The following SORL1 variants were observed in gnomAD, a reference collection of about 807,000 sequenced individuals.
The protein encoded by SORL1 is sortilin-related receptor.
A neutral mutation model predicts 273.7 loss-of-function variants in SORL1; 127 were observed. The ratio of observed to expected loss-of-function variants is 0.46; its 90% CI spans 0.40 to 0.54. The LOEUF is 0.54. Among genes scored for constraint, SORL1 ranks in the 20% least tolerant of loss-of-function variants. The pLI, the probability that SORL1 is intolerant of heterozygous loss-of-function variation, is 0.00. For missense variants in SORL1, 2,494 were observed against 2,846.1 expected (o/e 0.88, Z 2.81); for synonymous variants, 1,031 against 1,067.4 (o/e 0.97, Z 0.66).
Position 121,550,481 on chromosome 11 carries a change from G to C in SORL1, c.2181-104G>C. 1 of 908,600 alleles carries C rather than the reference G, an allele frequency of 1.1e-6. No homozygotes were observed. The highest frequency in any genetic ancestry group is 1.8e-6 in the Non-Finnish European group (1 of 554,938). 56.3% of individuals were successfully genotyped at this position (908,600 alleles called of 1,614,324 possible). ...TTCTAGTTCTAAAGAGAAATGAGTG[G>C]ATGGACTCTACTGGCCGTGGGTAGT... On this transcript the variant is annotated intron_variant, in intron 15 of 47. Coordinates refer to ENST00000260197, the MANE Select transcript of SORL1 (RefSeq NM_003105.6). The surrounding 1 kb of genome is among the most constrained non-coding windows in gnomAD (Gnocchi z 5.3).
At chr11:121,586,145 A>G in intron 26 of SORL1, 77 bp from the exon 27 acceptor site, 1 of 1,154,484 alleles carries the variant, frequency 8.7e-7, no homozygotes, top group Non-Finnish European at 1.3e-6. Flanking sequence ...ACCAGTGTGT[A>G]CTCCCGCCAG....
At chr11:121,625,057 C>T in intron 45 of SORL1, 28 bp from the exon 46 acceptor site, 1 of 1,542,664 alleles carries the variant, frequency 6.5e-7, no homozygotes, top group South Asian at 1.2e-5. Flanking sequence ...ATTCGACTTC[C>T]TGAGCAATCT....
intron 1 of SORL1, among the ~76,000 whole-genome samples, chr11:121,463,193 C>T (rs1213142232): frequency 6.6e-6 from 1 of 152,156 alleles, no homozygotes; most frequent in East Asian, 1.9e-4. Context: ...AGCTTAATCT[C>T]ATTTGCAAAA....
intron 26 of SORL1, among the ~76,000 whole-genome samples, chr11:121,585,500 T>TATAC (rs375453895): frequency 1.2e-4 from 17 of 137,556 alleles, no homozygotes; most frequent in East Asian, 6.3e-4. Context: ...AAAATGTATA[T>TATAC]ACACACACAC....
In SORL1 at chr11:121,462,017, A is replaced by G. The variant is rs890266829; in HGVS notation, c.286-7990A>G. On this transcript the variant is annotated intron_variant, in intron 1 of 47. Transcript: ENST00000260197. ...AATGATTATTCATCTCATTTCAGAG[A>G]TGAGTATCTTGAAGCTTGAAAAGGT... Among the ~76,000 whole-genome samples the G allele has an allele frequency of 2.0e-5, 3 of 152,190 alleles. No individual in the cohort carries two copies. In the East Asian group the frequency reaches 5.8e-4, roughly 29 times the overall value.
At chr11:121,509,955 T>G (rs559618139) in intron 6 of SORL1, among the ~76,000 whole-genome samples, 26 of 152,218 alleles carry the variant, frequency 1.7e-4, no homozygotes, top group Non-Finnish European at 3.5e-4. Flanking sequence ...TATTTCATGA[T>G]AGCTATCAAA....
intron 12 of SORL1, among the ~76,000 whole-genome samples, chr11:121,533,992 T>C (rs1862235733): frequency 6.6e-6 from 1 of 152,248 alleles, no homozygotes. Context: ...CTATCATTTA[T>C]ATACCCATTA....
At chr11:121,484,192 G>T (rs145688464) in intron 3 of SORL1, among the ~76,000 whole-genome samples, 1 of 152,318 alleles carries the variant, frequency 6.6e-6, no homozygotes, top group South Asian at 2.1e-4. Flanking sequence ...TTAGGGAAAT[G>T]TGTCTTCTGG....
intron 1 of SORL1, among the ~76,000 whole-genome samples, chr11:121,468,356 AG>A (rs1861118131): frequency 1.3e-5 from 2 of 152,204 alleles, no homozygotes; most frequent in African/African-American, 4.8e-5. Flanking sequence ...GACATCGCTC[AG>A]CAAGAGAGGC....
intron 44 of SORL1, 97 bp from the exon 45 acceptor site, chr11:121,622,065 C>A: frequency 1.4e-6 from 1 of 728,270 alleles, no homozygotes; most frequent in Non-Finnish European, 2.3e-6. Context: ...CCCAGCCCTC[C>A]AAGGCTAGCA....
chr11:121,574,473 A>G, intron 24 of SORL1, 110 bp downstream of exon 24: 5 of 992,136 alleles, frequency 5.0e-6, no homozygotes, highest in Non-Finnish European at 7.6e-6. Context: ...CTCAGGATTT[A>G]TGATATTCTA....
At chr11:121,458,810 G>A (rs1591542384) in intron 1 of SORL1, among the ~76,000 whole-genome samples, 1 of 152,224 alleles carries the variant, frequency 6.6e-6, no homozygotes, top group Non-Finnish European at 1.5e-5. Flanking sequence ...ATCAAGATTT[G>A]AGTTTCCTCC....
intron 25 of SORL1, among the ~76,000 whole-genome samples, chr11:121,582,810 T>G (rs74412989): frequency 0.072 from 10,943 of 152,292 alleles, 420 homozygotes; most frequent in Middle Eastern, 0.099. Flanking sequence ...TGGATGACTC[T>G]TTTATATTCC....
chr11:121,629,838 C>T lies in SORL1; in HGVS notation c.*275C>T, dbSNP rs988378199. ...GCTGTGCTTGCTGGGCATGCTTTTACGTCTGTGAGATAATTTCGGTTCAGT... is the reference window on the plus strand; with the variant it reads ...GCTGTGCTTGCTGGGCATGCTTTTATGTCTGTGAGATAATTTCGGTTCAGT... On this transcript the variant is annotated 3_prime_UTR_variant, in exon 48 of 48. Transcript: ENST00000260197. 30 of 392,694 alleles carry T rather than the reference C, an allele frequency of 7.6e-5. No homozygotes were observed. The highest frequency in any genetic ancestry group is 7.2e-4 in the South Asian group (16 of 22,142). The allele number at this position is 392,694 out of a possible 1,614,324, so 24.3% of individuals were successfully genotyped here. A position where few individuals can be genotyped will look rare whatever the true frequency, so the allele number is the denominator to read the frequency against.
At chr11:121,605,322 C>G in intron 34 of SORL1, 80 bp from the exon 35 acceptor site, 1 of 1,572,930 alleles carries the variant, frequency 6.4e-7, no homozygotes, top group Non-Finnish European at 8.7e-7. Flanking sequence ...GTGGCATGCA[C>G]CATGCTATTA....
At chr11:121,611,276 G>A (rs566080589) in intron 39 of SORL1, 118 bp downstream of exon 39, 4 of 692,212 alleles carry the variant, frequency 5.8e-6, no homozygotes, top group East Asian at 5.2e-5. Context: ...AAAAACGAAC[G>A]GCTAGATCTA....
chr11:121,497,111 T>C, intron 6 of SORL1, 62 bp downstream of exon 6: 1 of 1,447,632 alleles, frequency 6.9e-7, no homozygotes, highest in South Asian at 1.2e-5. Flanking sequence ...TTTGGCATTC[T>C]GTGATTAAAC....
At chr11:121,629,360 G>A in intron 47 of SORL1, 136 bp from the exon 48 acceptor site, 1 of 615,106 alleles carries the variant, frequency 1.6e-6, no homozygotes, top group Non-Finnish European at 3.0e-6. Context: ...AGCTGATTAT[G>A]GTGGCTGCCT....
chr11:121,616,954 C>T (rs1863652011), intron 41 of SORL1, among the ~76,000 whole-genome samples: 1 of 152,190 alleles, frequency 6.6e-6, no homozygotes, highest in Non-Finnish European at 1.5e-5. Flanking sequence ...GGCAGGACAA[C>T]TCAAAGTGGG....
Sources: gnomAD v4.1 joint callset for allele counts (sites outside exome capture counted in the v4.1 genomes callset) on GRCh38, gnomAD v4.1.1 for gene constraint, Gnocchi (gnomAD v3.1) non-coding constraint, MANE v1.5 for transcripts, NCBI Gene and HGNC (gene_info 2026-07-23, HGNC 2026-07-21) for gene names.